Variants in SNX29 observed in about 807,000 individuals in gnomAD.
The protein encoded by SNX29 is sorting nexin-29.
SNX29 carries 78 observed loss-of-function variants against 102.1 expected under a neutral mutation model. The observed-to-expected ratio is 0.76, with a 90% CI of 0.64 to 0.92. SNX29 has a LOEUF of 0.92. Ranked by LOEUF, SNX29 falls within the 40% of genes least tolerant of loss-of-function variation. The probability of loss-of-function intolerance (pLI) is 0.00; values close to 1 mark genes in which losing one functional copy is unlikely to be tolerated. For missense variants in SNX29, 1,280 were observed against 1,061.7 expected, an observed-to-expected ratio of 1.21 and a Z score of -2.86; for synonymous variants, 580 against 414.5, an observed-to-expected ratio of 1.40 and a Z score of -4.85.
rs1375028132 is a variant in SNX29 at position 12,571,798 on chromosome 16, C to T, written c.*3169C>T. ...CCTTCTCCGCCACTCTTCCTGCAAT[C>T]AGTGTGAAATTCCAGCTTCTTTGAT... On this transcript the variant is annotated 3_prime_UTR_variant, in exon 21 of 21. Transcript: ENST00000566228. The T allele has an allele frequency of 9.9e-7, 1 of 1,011,832 alleles. No homozygotes were observed. Among genetic ancestry groups the T allele is most frequent in the Admixed American group, 5.4e-5 (1 of 18,560 alleles). 62.7% of individuals were successfully genotyped at this position (1,011,832 alleles called of 1,614,324 possible).
chr16:12,309,920 C>T (rs1027270179), intron 15 of SNX29, among the ~76,000 whole-genome samples: 14 of 152,252 alleles, frequency 9.2e-5, no homozygotes, highest in East Asian at 1.9e-4. Flanking sequence ...CAGCTTGGTG[C>T]GAGTTTGTAT....
intron 13 of SNX29, among the ~76,000 whole-genome samples, chr16:12,176,575 A>G (rs536447939): frequency 2.6e-5 from 4 of 152,238 alleles, no homozygotes; most frequent in Non-Finnish European, 5.9e-5. Flanking sequence ...TAGCATTTGC[A>G]TTATATTAGG....
At chr16:12,302,599 C>T (rs1260065298) in intron 15 of SNX29, among the ~76,000 whole-genome samples, 1 of 152,190 alleles carries the variant, frequency 6.6e-6, no homozygotes, top group African/African-American at 2.4e-5. Flanking sequence ...GCATAAATCC[C>T]ATTCGTGAGG....
intron 13 of SNX29, among the ~76,000 whole-genome samples, chr16:12,195,985 C>CTT (rs762409358): frequency 1.2e-3 from 139 of 117,942 alleles, no homozygotes; most frequent in Non-Finnish European, 1.4e-3. Flanking sequence ...GTTTCTTTTC[C>CTT]TTTTTTTTTT....
At chr16:12,180,913 C>A (rs944997139) in intron 13 of SNX29, among the ~76,000 whole-genome samples, 10 of 152,300 alleles carry the variant, frequency 6.6e-5, no homozygotes, top group Admixed American at 1.3e-4. Context: ...TCTGAGCTTT[C>A]CTGGCTCTTA....
At chr16:12,494,476 G>T (rs1234203598) in intron 19 of SNX29, among the ~76,000 whole-genome samples, 1 of 152,156 alleles carries the variant, frequency 6.6e-6, no homozygotes, top group Non-Finnish European at 1.5e-5. Flanking sequence ...ACGTTGGGCC[G>T]CAGATTGCAT....
chr16:12,269,258 T>C (rs2079022224), intron 14 of SNX29, among the ~76,000 whole-genome samples: 1 of 152,218 alleles, frequency 6.6e-6, no homozygotes, highest in Non-Finnish European at 1.5e-5. Context: ...CTGCGGATTT[T>C]TCCCGTGAAT....
chr16:12,360,730 T>C (rs541831355), intron 16 of SNX29, among the ~76,000 whole-genome samples: 4 of 152,180 alleles, frequency 2.6e-5, no homozygotes, highest in Admixed American at 6.5e-5. Context: ...TCCAAGACTT[T>C]GTACATGTTT....
At chr16:12,169,627 A>T (rs576531719) in intron 13 of SNX29, among the ~76,000 whole-genome samples, 11 of 152,330 alleles carry the variant, frequency 7.2e-5, no homozygotes, top group African/African-American at 2.6e-4. Context: ...TGGGAGGCCA[A>T]GATGGGTGGA....
intron 19 of SNX29, among the ~76,000 whole-genome samples, chr16:12,503,635 G>T (rs2089231473): frequency 6.6e-6 from 1 of 152,162 alleles, no homozygotes. Flanking sequence ...TGGCTCCAGG[G>T]CTGGAGCGAT....
chr16:12,466,041 C>G lies in SNX29; in HGVS notation c.2038-11678C>G, dbSNP rs777318015. Among the ~76,000 whole-genome samples, 40 of 152,296 alleles carry G rather than the reference C, an allele frequency of 2.6e-4. 1 individual carries two copies. Among genetic ancestry groups the G allele is most frequent in the Middle Eastern group, 6.8e-3 (2 of 294 alleles). On this transcript the variant is annotated intron_variant, in intron 18 of 20. Transcript: ENST00000566228. ...TGACAAGCCTACAGCTAACATCATA[C>G]TCAACAGTGAAAAGCTGAAAGCGTT...
At chr16:12,242,678 G>C (rs567307590) in intron 14 of SNX29, among the ~76,000 whole-genome samples, 22 of 145,302 alleles carry the variant, frequency 1.5e-4, no homozygotes, top group Non-Finnish European at 2.8e-4. Flanking sequence ...TTTTGAGGCA[G>C]GGTCTTACTG....
intron 19 of SNX29, among the ~76,000 whole-genome samples, chr16:12,481,269 G>C (rs1376408020): frequency 6.6e-6 from 1 of 151,994 alleles, no homozygotes; most frequent in Non-Finnish European, 1.5e-5. Flanking sequence ...GGGTGGATCT[G>C]ACCACCCAGT....
intron 19 of SNX29, among the ~76,000 whole-genome samples, chr16:12,481,343 CTT>C (rs1307689217): frequency 6.6e-6 from 1 of 151,774 alleles, no homozygotes; most frequent in Non-Finnish European, 1.5e-5. Context: ...TTTTAATTAA[CTT>C]TTAATAAGCT....
intron 13 of SNX29, among the ~76,000 whole-genome samples, chr16:12,178,410 T>G (rs1469796746): frequency 6.6e-6 from 1 of 152,176 alleles, no homozygotes; most frequent in Non-Finnish European, 1.5e-5. Flanking sequence ...ACGTATTGCT[T>G]TCTGTTCCAT....
chr16:12,531,597 A>G (rs551143323), intron 20 of SNX29, among the ~76,000 whole-genome samples: 1 of 152,138 alleles, frequency 6.6e-6, no homozygotes, highest in African/African-American at 2.4e-5. Flanking sequence ...GAGGACGGTG[A>G]GAGTTGAGTA....
chr16:12,422,041 T>C (rs1440069480), intron 18 of SNX29, among the ~76,000 whole-genome samples: 2 of 151,982 alleles, frequency 1.3e-5, no homozygotes, highest in Non-Finnish European at 2.9e-5. Context: ...CATCATCACC[T>C]ATCATCCATA....
At chr16:12,138,856 T>A in intron 13 of SNX29, among the ~76,000 whole-genome samples, 1 of 152,046 alleles carries the variant, frequency 6.6e-6, no homozygotes, top group East Asian at 1.9e-4. Flanking sequence ...AGTAAACTTT[T>A]TTTGTTCAAG....
intron 14 of SNX29, among the ~76,000 whole-genome samples, chr16:12,224,185 C>T (rs773894399): frequency 1.3e-5 from 2 of 152,216 alleles, no homozygotes; most frequent in African/African-American, 2.4e-5. Context: ...GGGCACCTGG[C>T]ATCAGCCTTC....
Sources: allele counts gnomAD v4.1 joint callset (sites outside exome capture counted in the v4.1 genomes callset), GRCh38; gene constraint gnomAD v4.1.1; transcripts MANE v1.5; gene names NCBI Gene and HGNC (gene_info 2026-07-23, HGNC 2026-07-21).